The following TTLL11 variants were observed in gnomAD, a reference collection of about 807,000 sequenced individuals.
TTLL11 encodes the protein tubulin tyrosine ligase like 11.
Under a neutral mutation model 51.7 loss-of-function variants are expected in TTLL11, and 42 were observed. The ratio of observed to expected loss-of-function variants is 0.81; its 90% CI spans 0.64 to 1.05. The LOEUF is 1.05. Ranked by LOEUF, TTLL11 falls within the 50% of genes least tolerant of loss-of-function variation. The pLI, the probability that TTLL11 is intolerant of heterozygous loss-of-function variation, is 0.00. For missense variants in TTLL11, 799 were observed against 940.4 expected, an observed-to-expected ratio of 0.85 and a Z score of 1.97; for synonymous variants, 381 against 383.5, an observed-to-expected ratio of 0.99 and a Z score of 0.08.
chr9:121,988,727 T>C (rs1383723981), intron 4 of TTLL11, among the ~76,000 whole-genome samples: 2 of 152,156 alleles, frequency 1.3e-5, no homozygotes, highest in Admixed American at 6.5e-5. Flanking sequence ...AAACCCTCCA[T>C]AATCATTGCT....
intron 1 of TTLL11, among the ~76,000 whole-genome samples, chr9:122,085,627 T>A (rs1846104122): frequency 6.6e-6 from 1 of 152,178 alleles, no homozygotes; most frequent in South Asian, 2.1e-4. Context: ...TTATATTAAA[T>A]TTTCCCCCTG....
chr9:121,815,749 A>C lies in TTLL11; in HGVS notation c.*6838T>G, dbSNP rs2119086892. The C allele has an allele frequency of 6.6e-6, 1 of 152,308 alleles. No homozygotes were observed. Among genetic ancestry groups the C allele is most frequent in the Admixed American group, 6.5e-5 (1 of 15,294 alleles). 9.4% of individuals were successfully genotyped at this position (152,308 alleles called of 1,614,324 possible). A position where few individuals can be genotyped will look rare whatever the true frequency, so the allele number is the denominator to read the frequency against. Reference sequence around the variant, plus strand: ...TTGCGTTTTATGAAGTTGCCAAGACAACTGAGGCCAAGTAACAGAACCTTG... The same window carrying C: ...TTGCGTTTTATGAAGTTGCCAAGACCACTGAGGCCAAGTAACAGAACCTTG... On this transcript the variant is annotated 3_prime_UTR_variant, in exon 9 of 9. Transcript: ENST00000321582.
intron 1 of TTLL11, among the ~76,000 whole-genome samples, chr9:122,089,145 A>G (rs1401098672): frequency 6.6e-6 from 1 of 152,034 alleles, no homozygotes; most frequent in Non-Finnish European, 1.5e-5. Context: ...GCTCCTCACT[A>G]TGCACCCATA....
intron 3 of TTLL11, among the ~76,000 whole-genome samples, chr9:122,030,211 G>GC (rs910212165): frequency 1.1e-4 from 16 of 140,936 alleles, no homozygotes; most frequent in South Asian, 5.2e-4. Flanking sequence ...TTGGGGGGGG[G>GC]GGGGTAATTA....
At chr9:121,854,332 A>T (rs1306275940) in intron 8 of TTLL11, among the ~76,000 whole-genome samples, 1 of 152,180 alleles carries the variant, frequency 6.6e-6, no homozygotes, top group Non-Finnish European at 1.5e-5. Context: ...GATAATAAAC[A>T]ATGCCATTCT....
At chr9:122,058,407 G>T (rs538144289) in intron 1 of TTLL11, among the ~76,000 whole-genome samples, 2 of 152,230 alleles carry the variant, frequency 1.3e-5, no homozygotes, top group East Asian at 3.9e-4. Flanking sequence ...GCCTACAGCT[G>T]TCATGTTCAG....
At chr9:121,948,705 T>C (rs1463006642) in intron 6 of TTLL11, among the ~76,000 whole-genome samples, 4 of 152,212 alleles carry the variant, frequency 2.6e-5, no homozygotes, top group Admixed American at 2.0e-4. Context: ...GTTCAGGATC[T>C]GGGGCCTCAA....
rs192445282 is a variant in TTLL11 at position 121,920,347 on chromosome 9, C to A, written c.1482-49599G>T. ...ATTCAATGTTTCTGGTAATGTCTCC[C>A]ATTGCAGGGTAGCACAAAAGCAGAG... On this transcript the variant is annotated intron_variant, in intron 6 of 8. Transcript: ENST00000321582. 2.2e-4 allele frequency among the ~76,000 whole-genome samples: 34 copies of A among 152,172 alleles called. No homozygotes were observed. The East Asian group carries it at 6.0e-3, about 27-fold the overall frequency.
At chr9:121,843,133 C>T (rs1837410025) in intron 8 of TTLL11, among the ~76,000 whole-genome samples, 1 of 151,716 alleles carries the variant, frequency 6.6e-6, no homozygotes, top group Non-Finnish European at 1.5e-5. Flanking sequence ...CGCAGTAGTT[C>T]AAGACCAGCC....
intron 1 of TTLL11, among the ~76,000 whole-genome samples, chr9:122,074,412 A>G (rs1274002104): frequency 6.6e-6 from 1 of 152,244 alleles, no homozygotes; most frequent in Non-Finnish European, 1.5e-5. Context: ...AAGTTATTGT[A>G]TAACATATTG....
chr9:121,869,849 T>A (rs1021196653), intron 7 of TTLL11, among the ~76,000 whole-genome samples: 11 of 152,218 alleles, frequency 7.2e-5, no homozygotes, highest in African/African-American at 2.7e-4. Context: ...AATGCTGCTG[T>A]ATTGCCCCAA....
intron 1 of TTLL11, among the ~76,000 whole-genome samples, chr9:122,091,002 G>A (rs1341786659): frequency 1.3e-5 from 2 of 152,118 alleles, no homozygotes; most frequent in Non-Finnish European, 2.9e-5. Flanking sequence ...GTCCTTGGGG[G>A]CAAGGGTCAC....
chr9:121,849,740 T>C (rs1837614010), intron 8 of TTLL11, among the ~76,000 whole-genome samples: 2 of 152,156 alleles, frequency 1.3e-5, no homozygotes, highest in Admixed American at 1.3e-4. Flanking sequence ...AAAAACTGAG[T>C]ACACTAAGTG....
Position 122,051,956 on chromosome 9 carries a change from A to G in TTLL11, c.463-12588T>C, listed in dbSNP as rs531996308. On this transcript the variant is annotated intron_variant, in intron 1 of 8. Transcript: ENST00000321582. ...CATAAAAGAAAAAACATAGCACAGA[A>G]AAGTCCAGAAGAGGCCAATTAAGAC... 1.2e-4 allele frequency among the ~76,000 whole-genome samples: 18 copies of G among 152,334 alleles called. No homozygotes were observed. In the South Asian group the frequency reaches 3.7e-3, roughly 32 times the overall value.
At chr9:122,041,690 A>C (rs966763199) in intron 1 of TTLL11, among the ~76,000 whole-genome samples, 1 of 152,132 alleles carries the variant, frequency 6.6e-6, no homozygotes. Context: ...AAAAAGAATA[A>C]AATACTTAGG....
At chr9:122,060,531 A>C (rs568864402) in intron 1 of TTLL11, among the ~76,000 whole-genome samples, 24 of 152,180 alleles carry the variant, frequency 1.6e-4, no homozygotes, top group Non-Finnish European at 2.8e-4. Flanking sequence ...TCCTTCCTCT[A>C]GCCCGTGCTG....
intron 4 of TTLL11, among the ~76,000 whole-genome samples, chr9:121,985,545 C>T: frequency 1.7e-5 from 2 of 119,932 alleles, no homozygotes; most frequent in Admixed American, 1.1e-4. Context: ...GAGACTGAGT[C>T]TCGCTCTGTC....
intron 8 of TTLL11, among the ~76,000 whole-genome samples, chr9:121,842,783 G>T (rs1271602735): frequency 1.3e-5 from 2 of 152,164 alleles, no homozygotes; most frequent in Non-Finnish European, 2.9e-5. Context: ...TTTCCCCGGA[G>T]AATCTCTGAA....
chr9:122,033,646 A>T (rs1364481929), intron 2 of TTLL11, among the ~76,000 whole-genome samples: 2 of 152,222 alleles, frequency 1.3e-5, no homozygotes, highest in Admixed American at 1.3e-4. Context: ...TCAGAAAGAA[A>T]AGGGTAAACA....
Sources: allele counts gnomAD v4.1 joint callset (sites outside exome capture counted in the v4.1 genomes callset), GRCh38; gene constraint gnomAD v4.1.1; transcripts MANE v1.5; gene names NCBI Gene and HGNC (gene_info 2026-07-23, HGNC 2026-07-21).